Variants in KDM2A observed in about 807,000 individuals in gnomAD.
KDM2A encodes the protein lysine-specific demethylase 2A.
In KDM2A, 3 loss-of-function variants were observed where a neutral mutation model predicts 137.3. The ratio of observed to expected loss-of-function variants is 0.02; its 90% CI spans 0.01 to 0.06. KDM2A has a LOEUF of 0.06. Ranked by LOEUF, KDM2A falls within the 10% of genes least tolerant of loss-of-function variation. KDM2A has a pLI of 1.00. For synonymous variants in KDM2A, 512 were observed against 541.5 expected (o/e 0.95, Z 0.76); for missense variants, 738 against 1,510.6 (o/e 0.49, Z 8.48).
chr11:67,182,828 C>G (rs1448838309), intron 5 of KDM2A, among the ~76,000 whole-genome samples: 1 of 152,154 alleles, frequency 6.6e-6, no homozygotes, highest in African/African-American at 2.4e-5. Flanking sequence ...CCACTGCACC[C>G]GGCTGGAATA....
Position 67,142,101 on chromosome 11 carries a change from C to T in KDM2A, c.42+20743C>T, listed in dbSNP as rs138747659. 6.6e-3 allele frequency among the ~76,000 whole-genome samples: 1,005 copies of T among 151,960 alleles called. 11 individuals carry two copies. The highest frequency in any genetic ancestry group is 0.022 in the African/African-American group (932 of 41,488). The stretch of plus-strand genomic sequence containing the variant: ...TCGTCCAGGCTGGAGTGCAGTGGCA[C>T]GATCTCCGCTCACTGCAACCTCCAC... On this transcript the variant is annotated intron_variant, in intron 2 of 20. Transcript: ENST00000529006.
chr11:67,212,025 G>T (rs1858010069), intron 6 of KDM2A, among the ~76,000 whole-genome samples: 1 of 152,212 alleles, frequency 6.6e-6, no homozygotes, highest in Non-Finnish European at 1.5e-5. Flanking sequence ...GCCAGGCAAA[G>T]TAGCACATGC....
At chr11:67,120,194 T>A (rs1855566068) in intron 1 of KDM2A, 145 bp downstream of exon 1, 1 of 152,284 alleles carries the variant, frequency 6.6e-6, no homozygotes, top group African/African-American at 2.4e-5. Context: ...TTCGCCCTTT[T>A]TCCTCTCCGG....
intron 2 of KDM2A, among the ~76,000 whole-genome samples, chr11:67,140,255 A>G (rs1433599648): frequency 1.3e-5 from 2 of 151,930 alleles, no homozygotes; most frequent in Non-Finnish European, 2.9e-5. Flanking sequence ...AGTCCCAGGT[A>G]ATTGGGAGGC....
chr11:67,120,219 T>G (rs1274582384), intron 1 of KDM2A, among the ~76,000 whole-genome samples, 170 bp downstream of exon 1: 2 of 152,242 alleles, frequency 1.3e-5, no homozygotes, highest in Non-Finnish European at 2.9e-5. Flanking sequence ...GGCTGCTCCA[T>G]GCCCAGGCGG....
intron 2 of KDM2A, among the ~76,000 whole-genome samples, chr11:67,167,038 A>G (rs66603590): frequency 0.074 from 11,306 of 152,156 alleles, 684 homozygotes; most frequent in African/African-American, 0.17. Flanking sequence ...AGATCATACC[A>G]TTGCACTCCA....
At chr11:67,123,502 T>C (rs769572465) in intron 2 of KDM2A, among the ~76,000 whole-genome samples, 2 of 152,094 alleles carry the variant, frequency 1.3e-5, no homozygotes, top group Non-Finnish European at 2.9e-5. Flanking sequence ...TTTACATTTC[T>C]TGAATTTAAC....
chr11:67,175,467 A>C (rs1019301950), intron 2 of KDM2A, among the ~76,000 whole-genome samples: 3 of 152,328 alleles, frequency 2.0e-5, no homozygotes, highest in Admixed American at 6.5e-5. Flanking sequence ...TAATTTTCAC[A>C]CTGTTGCCAA....
chr11:67,224,279 G>A (rs900935848), intron 10 of KDM2A, among the ~76,000 whole-genome samples: 4 of 152,044 alleles, frequency 2.6e-5, no homozygotes, highest in Non-Finnish European at 5.9e-5. Flanking sequence ...AGTATCATTT[G>A]GCTTATCCTT....
At chr11:67,227,579 G>A (rs974880295) in intron 10 of KDM2A, among the ~76,000 whole-genome samples, 1 of 151,456 alleles carries the variant, frequency 6.6e-6, no homozygotes, top group Non-Finnish European at 1.5e-5. Flanking sequence ...TTTTTTTGTT[G>A]TTGTTGTTCA....
Position 67,245,052 on chromosome 11 carries a change from T to A in KDM2A, c.1564-137T>A. The stretch of plus-strand genomic sequence containing the variant: ...AGATGAGTTGTGTGTCAATAAAATT[T>A]ATTCTAGAAACAAGCAGTGGGCAGA... On this transcript the variant is annotated intron_variant, in intron 13 of 20. Transcript: ENST00000529006. The surrounding 1 kb of genome is among the most constrained non-coding windows in gnomAD (Gnocchi z 4.1). The A allele has an allele frequency of 1.1e-6, 1 of 903,618 alleles. No homozygotes were observed. Among genetic ancestry groups the A allele is most frequent in the East Asian group, 2.4e-5 (1 of 41,130 alleles). 56.0% of individuals were successfully genotyped at this position (903,618 alleles called of 1,614,324 possible).
rs542827991 is a variant in KDM2A, at chr11:67,175,161, G to A, written c.43-4918G>A. On this transcript the variant is annotated intron_variant, in intron 2 of 20. Transcript: ENST00000529006. The stretch of plus-strand genomic sequence containing the variant: ...GCCTACTGATATCCAGGGTTACTGT[G>A]AGGATTGAATGTTTTTAAAGCATTT... 6.6e-5 allele frequency among the ~76,000 whole-genome samples: 10 copies of A among 152,316 alleles called. No individual in the cohort carries two copies. The East Asian group carries it at 1.5e-3, about 23-fold the overall frequency.
intron 3 of KDM2A, among the ~76,000 whole-genome samples, chr11:67,180,940 G>A (rs759189998): frequency 1.2e-4 from 18 of 150,920 alleles, no homozygotes; most frequent in Non-Finnish European, 2.1e-4. Context: ...GGGATTACAG[G>A]TATGAGCCAC....
chr11:67,177,138 G>A (rs1856988314), intron 2 of KDM2A, among the ~76,000 whole-genome samples: 1 of 151,602 alleles, frequency 6.6e-6, no homozygotes, highest in African/African-American at 2.4e-5. Flanking sequence ...GGAGGCTGAG[G>A]CGAGAGAATC....
intron 5 of KDM2A, among the ~76,000 whole-genome samples, chr11:67,190,187 A>C (rs1487733021): frequency 1.3e-5 from 2 of 152,208 alleles, no homozygotes; most frequent in Non-Finnish European, 2.9e-5. Flanking sequence ...AGGCGGGTGG[A>C]TCACCTGAGG....
intron 2 of KDM2A, among the ~76,000 whole-genome samples, chr11:67,123,238 A>G (rs1016098575): frequency 6.8e-6 from 1 of 147,394 alleles, no homozygotes; most frequent in African/African-American, 2.5e-5. Flanking sequence ...GGCATCCCAA[A>G]GTGCTGGGAT....
intron 5 of KDM2A, among the ~76,000 whole-genome samples, chr11:67,206,292 G>C (rs542599303): frequency 6.6e-6 from 1 of 152,310 alleles, no homozygotes; most frequent in Non-Finnish European, 1.5e-5. Context: ...TTAGGCAGGC[G>C]TGGTGGCACA....
chr11:67,212,796 AT>A (rs1176494000), intron 6 of KDM2A, among the ~76,000 whole-genome samples: 1 of 152,022 alleles, frequency 6.6e-6, no homozygotes. Flanking sequence ...AAAAAAAAAA[AT>A]ACTCATATGT....
At chr11:67,203,090 C>G (rs931548792) in intron 5 of KDM2A, among the ~76,000 whole-genome samples, 9 of 152,120 alleles carry the variant, frequency 5.9e-5, no homozygotes, top group Middle Eastern at 3.2e-3. Flanking sequence ...CAACCACCAC[C>G]ACTCTGATCA....
Sources: gnomAD v4.1 joint callset for allele counts (sites outside exome capture counted in the v4.1 genomes callset) on GRCh38, gnomAD v4.1.1 for gene constraint, Gnocchi (gnomAD v3.1) non-coding constraint, MANE v1.5 for transcripts, NCBI Gene and HGNC (gene_info 2026-07-23, HGNC 2026-07-21) for gene names.